Variants in GOLGA1 observed in about 807,000 individuals in gnomAD.
GOLGA1 encodes the protein golgin subfamily A member 1.
Under a neutral mutation model 119.7 loss-of-function variants are expected in GOLGA1, and 63 were observed. The ratio of observed to expected loss-of-function variants is 0.53; its 90% CI spans 0.43 to 0.65. The LOEUF is 0.65. Among genes scored for constraint, GOLGA1 ranks in the 30% least tolerant of loss-of-function variants. The pLI, the probability that GOLGA1 is intolerant of heterozygous loss-of-function variation, is 0.00. For synonymous variants in GOLGA1, 318 were observed against 333.4 expected (o/e 0.95, Z 0.50); for missense variants, 798 against 912.8 (o/e 0.87, Z 1.62).
chr9:124,880,701 A>C, intron 22 of GOLGA1, 91 bp from the exon 23 acceptor site: 1 of 785,942 alleles, frequency 1.3e-6, no homozygotes, highest in South Asian at 1.4e-5. Flanking sequence ...TGAGCCTGTC[A>C]CTCCTGCCCC....
chr9:124,894,739 G>A (rs58072090), intron 15 of GOLGA1, among the ~76,000 whole-genome samples: 1 of 152,106 alleles, frequency 6.6e-6, no homozygotes, highest in African/African-American at 2.4e-5. Flanking sequence ...CAGTGCTTTT[G>A]CCCCCACAAG....
At chr9:124,915,226 G>A (rs370153704) in intron 10 of GOLGA1, among the ~76,000 whole-genome samples, 12 of 152,208 alleles carry the variant, frequency 7.9e-5, no homozygotes, top group African/African-American at 2.9e-4. Context: ...GTACGGTCTT[G>A]ACAAATCATT....
intron 10 of GOLGA1, 82 bp downstream of exon 10, chr9:124,921,047 G>T: frequency 1.2e-6 from 1 of 835,792 alleles, no homozygotes; most frequent in Non-Finnish European, 2.1e-6. Flanking sequence ...ATGTTCAGTA[G>T]CTACTCTCAG....
intron 3 of GOLGA1, among the ~76,000 whole-genome samples, chr9:124,931,926 T>C (rs1329833245): frequency 6.6e-6 from 1 of 152,198 alleles, no homozygotes. Context: ...AATATATTAA[T>C]GAGGCATACA....
intron 19 of GOLGA1, among the ~76,000 whole-genome samples, chr9:124,886,392 C>T (rs1829721119): frequency 6.6e-6 from 1 of 151,804 alleles, no homozygotes; most frequent in Non-Finnish European, 1.5e-5. Flanking sequence ...GAAGAGACGC[C>T]TGTCCAAGGC....
chr9:124,884,360 C>A (rs986335835), intron 19 of GOLGA1, among the ~76,000 whole-genome samples: 44 of 152,298 alleles, frequency 2.9e-4, no homozygotes, highest in African/African-American at 1.0e-3. Flanking sequence ...TATCAAAATG[C>A]ATTCTTCCAT....
chr9:124,922,457 G>A lies in GOLGA1; in HGVS notation c.562-565C>T, dbSNP rs112217325. 3.9e-4 allele frequency among the ~76,000 whole-genome samples: 58 copies of A among 150,488 alleles called. 1 individual carries two copies. Among genetic ancestry groups the A allele is most frequent in the African/African-American group, 1.3e-3 (55 of 40,904 alleles). On this transcript the variant is annotated intron_variant, in intron 8 of 22. Coordinates refer to ENST00000373555, the MANE Select transcript of GOLGA1 (RefSeq NM_002077.4). ...TCCCAGCTACTCGGGAGGCTTAGGTGGAAGAATCCCTTGAGTCTGGGAGGT... is the reference window on the plus strand; with the variant it reads ...TCCCAGCTACTCGGGAGGCTTAGGTAGAAGAATCCCTTGAGTCTGGGAGGT...
At chr9:124,924,914 C>T (rs1290383354) in intron 7 of GOLGA1, among the ~76,000 whole-genome samples, 1 of 151,384 alleles carries the variant, frequency 6.6e-6, no homozygotes, top group African/African-American at 2.4e-5. Context: ...CCTGTCTCTA[C>T]TAAAAATATA....
intron 3 of GOLGA1, among the ~76,000 whole-genome samples, chr9:124,935,039 C>A (rs1830837590): frequency 6.6e-6 from 1 of 152,000 alleles, no homozygotes; most frequent in Non-Finnish European, 1.5e-5. Context: ...AGAAAGAGAT[C>A]CCTGTCTCAA....
At position 124,911,919 on chromosome 9, in the gene GOLGA1, C is replaced by T; in HGVS notation, c.951G>A (p.Leu317=). The T allele has an allele frequency of 6.2e-7, 1 of 1,611,944 alleles. No individual in the cohort carries two copies. The highest frequency in any genetic ancestry group is 2.2e-5 in the East Asian group (1 of 44,858). The change falls in exon 11 of 23, where the codon TTG becomes TTA. Residue 317 remains leucine, a synonymous_variant. Coordinates refer to ENST00000373555, the MANE Select transcript of GOLGA1 (RefSeq NM_002077.4). ...LEQNLSGEEH[L]QELLKEKTLA... ...AAGTTACCTCTTTCAGGAGTTCTTG[C>T]AAGTGTTCTTCTCCTGATAAGTTCT...
chr9:124,884,519 T>C (rs954626916), intron 19 of GOLGA1, among the ~76,000 whole-genome samples: 1 of 152,196 alleles, frequency 6.6e-6, no homozygotes, highest in Admixed American at 6.5e-5. Context: ...CTTGTCTTAC[T>C]GCGTGGCTGG....
At chr9:124,926,844 A>T (rs537861128) in intron 6 of GOLGA1, 103 bp from the exon 7 acceptor site, 1 of 620,818 alleles carries the variant, frequency 1.6e-6, no homozygotes, top group South Asian at 2.4e-5. Flanking sequence ...AAAGCAACTA[A>T]CCAAACAAAA....
chr9:124,906,478 G>A (rs983918208), intron 12 of GOLGA1, among the ~76,000 whole-genome samples: 13 of 139,456 alleles, frequency 9.3e-5, no homozygotes, highest in African/African-American at 1.9e-4. Context: ...GGCCGGGCGC[G>A]GTGGCTCACG....
rs554847038 is a variant in GOLGA1 at position 124,937,592 on chromosome 9, C to T, written c.135+985G>A. The stretch of plus-strand genomic sequence containing the variant: ...GATGCAATGAGCTGAGATCATGCCA[C>T]TGCACTCCGGCCTGGCTGACAGAGT... On this transcript the variant is annotated intron_variant, in intron 3 of 22. Transcript: ENST00000373555. 1.2e-3 allele frequency among the ~76,000 whole-genome samples: 176 copies of T among 150,158 alleles called. 1 individual carries two copies. The highest frequency in any genetic ancestry group is 3.8e-3 in the African/African-American group (154 of 40,792).
chr9:124,884,521 C>T (rs543679272), intron 19 of GOLGA1, among the ~76,000 whole-genome samples: 7 of 152,272 alleles, frequency 4.6e-5, no homozygotes, highest in African/African-American at 1.7e-4. Flanking sequence ...TGTCTTACTG[C>T]GTGGCTGGGC....
chr9:124,944,466 A>ATTTTTTTTTTTTTTTTT (rs71374207), upstream of GOLGA1: 4 of 84,726 alleles, frequency 4.7e-5, no homozygotes, highest in African/African-American at 4.9e-5. Context: ...TGCCTGGCTA[A>ATTTTTTTTTTTTTTTTT]TTTTTTTTTT....
intron 11 of GOLGA1, among the ~76,000 whole-genome samples, chr9:124,909,302 ACT>A (rs1830291666): frequency 6.7e-6 from 1 of 149,956 alleles, no homozygotes; most frequent in Non-Finnish European, 1.5e-5. Flanking sequence ...ACAGAGTGAG[ACT>A]CTGTCTTAAA....
At chr9:124,903,816 C>T (rs563289071) in intron 12 of GOLGA1, among the ~76,000 whole-genome samples, 44 of 151,988 alleles carry the variant, frequency 2.9e-4, no homozygotes, top group African/African-American at 9.2e-4. Flanking sequence ...TTTGGGAGGC[C>T]GAGGTGGGCG....
At chr9:124,911,224 CAT>C (rs1830334468) in intron 11 of GOLGA1, among the ~76,000 whole-genome samples, 1 of 152,154 alleles carries the variant, frequency 6.6e-6, no homozygotes, top group Non-Finnish European at 1.5e-5. Flanking sequence ...AGACTTCTAA[CAT>C]AGACTAGGCT....
Sources: allele counts gnomAD v4.1 joint callset (sites outside exome capture counted in the v4.1 genomes callset), GRCh38; gene constraint gnomAD v4.1.1; transcripts MANE v1.5; gene names NCBI Gene and HGNC (gene_info 2026-07-23, HGNC 2026-07-21).